The following NIF3L1 variants were observed in gnomAD, a reference collection of about 807,000 sequenced individuals.
The protein encoded by NIF3L1 is NGG1 interacting factor 3 like 1.
In NIF3L1, 26 loss-of-function variants were observed where a neutral mutation model predicts 35.0. The observed-to-expected ratio is 0.74, with a 90% CI of 0.54 to 1.03. NIF3L1 has a LOEUF of 1.03. Ranked by LOEUF, NIF3L1 falls within the 50% of genes least tolerant of loss-of-function variation. The probability of loss-of-function intolerance (pLI) is 0.00; values close to 1 mark genes in which losing one functional copy is unlikely to be tolerated. For synonymous variants in NIF3L1, 157 were observed against 178.9 expected (o/e 0.88, Z 0.98); for missense variants, 449 against 466.3 (o/e 0.96, Z 0.34).
In NIF3L1 at chr2:200,893,248, G is replaced by A; in HGVS notation, c.439G>A (p.Ala147Thr). The A allele has an allele frequency of 1.3e-6, 2 of 1,487,198 alleles. No homozygotes were observed. The highest frequency in any genetic ancestry group is 1.8e-6 in the Non-Finnish European group (2 of 1,114,518). The allele number at this position is 1,487,198 out of a possible 1,614,324, so 92.1% of individuals were successfully genotyped here. Residue 147 changes from alanine (A) to threonine (T), a missense_variant and splice_region_variant, in exon 3 of 7, where the codon GCT (alanine) becomes ACT (threonine). Ala to Thr is a moderately conservative substitution (Grantham distance 58). Transcript: ENST00000409020. ...TTTTCCCACAATATTTTCTCTAGGA[G>A]CTTGTACCTCCAGGCCCATACATCC... ...VNNWLAKGLGACTSRPIHPSK... is the reference protein window; with the variant it reads ...VNNWLAKGLGTCTSRPIHPSK...
At position 200,895,382 on chromosome 2, in the gene NIF3L1, C is replaced by T. The variant is rs148074231; in HGVS notation, c.718C>T (p.Leu240=). Residue 240 remains leucine (L), a synonymous_variant, in exon 4 of 7, where the codon CTG becomes TTG. Transcript: ENST00000409020. ...TTATCAGAAGACGGAAATTCTGTCACTGGAGAAGGTAATAAGAATATTTTG... is the reference window on the plus strand; with the variant it reads ...TTATCAGAAGACGGAAATTCTGTCATTGGAGAAGGTAATAAGAATATTTTG... ...QLYQKTEILS[L]EKPLLLHTGM... is the part of the protein sequence containing the mutation. 47 of 1,613,846 alleles carry T rather than the reference C, an allele frequency of 2.9e-5. No individual in the cohort carries two copies. The East Asian group carries it at 9.6e-4, about 33-fold the overall frequency.
intron 6 of NIF3L1, among the ~76,000 whole-genome samples, chr2:200,901,109 G>A (rs186639637): frequency 6.6e-6 from 1 of 152,254 alleles, no homozygotes; most frequent in East Asian, 1.9e-4. Flanking sequence ...CTAAGTCCAT[G>A]GAACAATTAT....
At chr2:200,894,121 C>T (rs2040255220) in intron 3 of NIF3L1, among the ~76,000 whole-genome samples, 1 of 150,750 alleles carries the variant, frequency 6.6e-6, no homozygotes. Flanking sequence ...TTGCAGTGAG[C>T]CGAGATCGCG....
At position 200,899,144 on chromosome 2, in the gene NIF3L1, A is replaced by G. The variant is rs901206119; in HGVS notation, c.866-241A>G. 1.8e-3 allele frequency: 651 copies of G among 359,820 alleles called. 2 individuals carry two copies. Among genetic ancestry groups the G allele is most frequent in the African/African-American group, 0.012 (554 of 47,628 alleles). The allele number at this position is 359,820 out of a possible 1,614,324, so 22.3% of individuals were successfully genotyped here. On this transcript the variant is annotated intron_variant, in intron 5 of 6. Transcript: ENST00000409020. The stretch of plus-strand genomic sequence containing the variant: ...TTGCGCAATTTACAAAGGTTGTTGA[A>G]AAAAAAAAACACAACAAAGGAATAA...
rs780513326 is a variant in NIF3L1 at position 200,892,211 on chromosome 2, C to G, written c.268C>G (p.Leu90Val). 6.2e-7 allele frequency: 1 copy of G among 1,614,204 alleles called. No individual in the cohort carries two copies. The highest frequency in any genetic ancestry group is 8.5e-7 in the Non-Finnish European group (1 of 1,180,024). ...GCTGCAAAAGAAGGCAGACCTCATT[C>G]TCTCCTACCATCCGCCTATCTTCCG... ...EVLQKKADLI[L>V]SYHPPIFRPM... The change falls in exon 2 of 7, where the codon CTC becomes GTC. Residue 90 changes from leucine to valine, a missense_variant. Physicochemically the swap from Leu to Val is conservative, Grantham distance 32. Transcript: ENST00000409020.
At chr2:200,900,663 A>G (rs1442342060) in intron 6 of NIF3L1, among the ~76,000 whole-genome samples, 2 of 152,242 alleles carry the variant, frequency 1.3e-5, no homozygotes, top group Non-Finnish European at 2.9e-5. Context: ...CATGTATGTG[A>G]CTATTACTTA....
rs756419015 is a variant in NIF3L1, at chr2:200,892,207, C to T, written c.264C>T (p.Leu88=). 18 of 1,614,092 alleles carry T rather than the reference C, an allele frequency of 1.1e-5. No homozygotes were observed. The highest frequency in any genetic ancestry group is 8.9e-5 in the East Asian group (4 of 44,900). ...MEEVLQKKAD[L]ILSYHPPIFR... Reference sequence around the variant, plus strand: ...AGGTGCTGCAAAAGAAGGCAGACCTCATTCTCTCCTACCATCCGCCTATCT... The same window carrying T: ...AGGTGCTGCAAAAGAAGGCAGACCTTATTCTCTCCTACCATCCGCCTATCT... The change falls in exon 2 of 7, where the codon CTC becomes CTT. Residue 88 remains leucine (L), a synonymous_variant. Transcript: ENST00000409020.
At chr2:200,903,413 T>C in intron 6 of NIF3L1, 81 bp from the exon 7 acceptor site, 1 of 1,106,890 alleles carries the variant, frequency 9.0e-7, no homozygotes, top group Non-Finnish European at 1.4e-6. Context: ...GACTACAAAC[T>C]TGGTATTTCT....
rs2040453008 is a variant in NIF3L1 at position 200,903,824 on chromosome 2, G to A, written c.*146G>A. The A allele has an allele frequency of 2.9e-6, 2 of 690,468 alleles. No homozygotes were observed. Among genetic ancestry groups the A allele is most frequent in the Non-Finnish European group, 5.3e-6 (2 of 379,160 alleles). 42.8% of individuals were successfully genotyped at this position (690,468 alleles called of 1,614,324 possible). On this transcript the variant is annotated 3_prime_UTR_variant, in exon 7 of 7. Transcript: ENST00000409020. ...GGTTTGTTAATCTTATTCACCAAAT[G>A]TTCTATCGCTCGTAAGGTAAAACTG...
At chr2:200,903,293 G>T (rs1040201077) in intron 6 of NIF3L1, among the ~76,000 whole-genome samples, 1 of 152,134 alleles carries the variant, frequency 6.6e-6, no homozygotes, top group Non-Finnish European at 1.5e-5. Flanking sequence ...GTGAGCCACC[G>T]CGCCCAGACT....
chr2:200,899,334 A>C, intron 5 of NIF3L1, 51 bp from the exon 6 acceptor site: 1 of 1,383,394 alleles, frequency 7.2e-7, no homozygotes, highest in Non-Finnish European at 1.0e-6. Flanking sequence ...TATAATAGTA[A>C]AATGAAAGGG....
chr2:200,903,462 C>T (rs1487858662), intron 6 of NIF3L1, 32 bp from the exon 7 acceptor site: 1 of 1,566,238 alleles, frequency 6.4e-7, no homozygotes, highest in South Asian at 1.1e-5. Flanking sequence ...CCATATTTAG[C>T]ATTTAAGAAT....
intron 4 of NIF3L1, 136 bp downstream of exon 4, chr2:200,895,526 A>G: frequency 4.7e-6 from 4 of 842,192 alleles, no homozygotes; most frequent in Non-Finnish European, 7.4e-6. Context: ...TAAGAATTGT[A>G]CATATTTGAT....
At position 200,897,112 on chromosome 2, in the gene NIF3L1, A is replaced by C. The variant is rs781647633; in HGVS notation, c.763A>C (p.Thr255Pro). The C allele has an allele frequency of 6.2e-7, 1 of 1,614,040 alleles. No individual in the cohort carries two copies. The highest frequency in any genetic ancestry group is 1.7e-5 in the Admixed American group (1 of 60,012). ...LLHTGMGRLC[T>P]LDESVSLATM... ...ACATACTGGAATGGGACGGTTATGC[A>C]CACTGGATGAATCTGTCTCCCTGGC... is the stretch of plus-strand genomic sequence containing the variant. Residue 255 changes from threonine (T) to proline (P), a missense_variant, in exon 5 of 7, where the codon ACA (threonine) becomes CCA (proline). By Grantham distance (38) the Thr-to-Pro change is conservative. Transcript: ENST00000409020.
chr2:200,900,016 A>G (rs1283119993), intron 6 of NIF3L1, among the ~76,000 whole-genome samples: 1 of 152,180 alleles, frequency 6.6e-6, no homozygotes, highest in Non-Finnish European at 1.5e-5. Flanking sequence ...GTGGAGCCTG[A>G]ACATTGCATC....
At position 200,893,251 on chromosome 2, in the gene NIF3L1, T is replaced by C. The variant is rs1178655685; in HGVS notation, c.442T>C (p.Cys148Arg). 3 of 1,492,716 alleles carry C rather than the reference T, an allele frequency of 2.0e-6. No homozygotes were observed. In the East Asian group the frequency reaches 7.4e-5, roughly 37 times the overall value. The allele number at this position is 1,492,716 out of a possible 1,614,324, so 92.5% of individuals were successfully genotyped here. Reference protein sequence around the residue: ...NNWLAKGLGACTSRPIHPSKA... With the variant: ...NNWLAKGLGARTSRPIHPSKA... Reference sequence around the variant, plus strand: ...TCCCACAATATTTTCTCTAGGAGCTTGTACCTCCAGGCCCATACATCCTTC... The same window carrying C: ...TCCCACAATATTTTCTCTAGGAGCTCGTACCTCCAGGCCCATACATCCTTC... Residue 148 changes from cysteine to arginine, a missense_variant, in exon 3 of 7, where the codon TGT (cysteine) becomes CGT (arginine). Transcript: ENST00000409020.
intron 4 of NIF3L1, among the ~76,000 whole-genome samples, chr2:200,896,214 T>A (rs13384245): frequency 1.3e-5 from 2 of 152,004 alleles, no homozygotes; most frequent in African/African-American, 4.8e-5. Flanking sequence ...TTGGAAGCCC[T>A]TAATGATCTG....
Position 200,899,142 on chromosome 2 carries a change from GA to G in NIF3L1, c.866-232del, listed in dbSNP as rs60725782. 1,912 of 328,852 alleles carry G rather than the reference GA, an allele frequency of 5.8e-3. 2 individuals carry two copies. Among genetic ancestry groups the G allele is most frequent in the African/African-American group, 0.013 (600 of 46,544 alleles). The allele number at this position is 328,852 out of a possible 1,614,324, so 20.4% of individuals were successfully genotyped here. On this transcript the variant is annotated intron_variant, in intron 5 of 6. Transcript: ENST00000409020. ...TTTTGCGCAATTTACAAAGGTTGTT[GA>G]AAAAAAAAAACACAACAAAGGAATA...
At chr2:200,902,782 C>T (rs1415704806) in intron 6 of NIF3L1, among the ~76,000 whole-genome samples, 2 of 152,136 alleles carry the variant, frequency 1.3e-5, no homozygotes, top group East Asian at 3.8e-4. Flanking sequence ...AAGCATAAGT[C>T]TGCTGGGCAG....
Sources: allele counts gnomAD v4.1 joint callset (sites outside exome capture counted in the v4.1 genomes callset), GRCh38; gene constraint gnomAD v4.1.1; transcripts MANE v1.5; gene names NCBI Gene and HGNC (gene_info 2026-07-23, HGNC 2026-07-21).